The following PPP4R3A variants were observed in gnomAD, a reference collection of about 807,000 sequenced individuals.
PPP4R3A encodes serine/threonine-protein phosphatase 4 regulatory subunit 3A.
A neutral mutation model predicts 91.7 loss-of-function variants in PPP4R3A; 15 were observed. That is an observed-to-expected ratio of 0.16 (90% CI 0.11 to 0.25). PPP4R3A has a LOEUF of 0.25. Ranked by LOEUF, PPP4R3A falls within the 10% of genes least tolerant of loss-of-function variation. The probability of loss-of-function intolerance (pLI) is 1.00; values close to 1 mark genes in which losing one functional copy is unlikely to be tolerated. For missense variants in PPP4R3A, 623 were observed against 998.4 expected (o/e 0.62, Z 5.07); for synonymous variants, 377 against 348.7 (o/e 1.08, Z -0.91).
intron 1 of PPP4R3A, among the ~76,000 whole-genome samples, chr14:91,493,448 G>A (rs567724693): frequency 6.6e-6 from 1 of 150,698 alleles, no homozygotes; most frequent in Admixed American, 6.6e-5. Flanking sequence ...AGCCATGATT[G>A]CGCCACTACA....
chr14:91,462,309 T>A, intron 12 of PPP4R3A, 70 bp from the exon 13 acceptor site: 1 of 1,358,228 alleles, frequency 7.4e-7, no homozygotes, highest in South Asian at 2.0e-5. Flanking sequence ...GATGACTTAT[T>A]AAACTTGTTA....
chr14:91,461,176 T>C (rs1190470763), intron 14 of PPP4R3A, among the ~76,000 whole-genome samples: 2 of 152,072 alleles, frequency 1.3e-5, no homozygotes, highest in Non-Finnish European at 2.9e-5. Flanking sequence ...TCACACTATA[T>C]GCAGACTTGC....
intron 3 of PPP4R3A, 22 bp downstream of exon 3, chr14:91,485,610 A>C: frequency 2.6e-6 from 4 of 1,546,782 alleles, no homozygotes; most frequent in Non-Finnish European, 3.5e-6. Context: ...AAGCATGTTG[A>C]TTTTTTTATT....
chr14:91,485,237 C>G (rs1307963480), intron 3 of PPP4R3A, among the ~76,000 whole-genome samples: 1 of 152,092 alleles, frequency 6.6e-6, no homozygotes, highest in Non-Finnish European at 1.5e-5. Flanking sequence ...GATTTATTAT[C>G]GAGGGACTGA....
chr14:91,468,586 T>C (rs1888623071), intron 10 of PPP4R3A, among the ~76,000 whole-genome samples: 1 of 131,830 alleles, frequency 7.6e-6, no homozygotes, highest in African/African-American at 2.8e-5. Flanking sequence ...GGAGAATTGC[T>C]TGAACCCAGG....
At chr14:91,461,629 A>G (rs1296892053) in intron 13 of PPP4R3A, 22 bp from the exon 14 acceptor site, 6 of 1,605,826 alleles carry the variant, frequency 3.7e-6, no homozygotes, top group Non-Finnish European at 4.3e-6. Flanking sequence ...AATACTGTCA[A>G]TAGTCGTCCC....
At chr14:91,504,715 T>C (rs1891179355) in intron 1 of PPP4R3A, among the ~76,000 whole-genome samples, 1 of 152,160 alleles carries the variant, frequency 6.6e-6, no homozygotes, top group African/African-American at 2.4e-5. Flanking sequence ...AGAAGCTTAG[T>C]GGGACATCCC....
chr14:91,496,568 T>C (rs1296586073), intron 1 of PPP4R3A, among the ~76,000 whole-genome samples: 1 of 152,174 alleles, frequency 6.6e-6, no homozygotes, highest in Non-Finnish European at 1.5e-5. Context: ...GAAAAAAAGG[T>C]TTGACGTACT....
chr14:91,488,871 A>G (rs1890057925), intron 2 of PPP4R3A, among the ~76,000 whole-genome samples: 1 of 150,058 alleles, frequency 6.7e-6, no homozygotes, highest in African/African-American at 2.5e-5. Context: ...GGAAAGATAT[A>G]TACTGTTATG....
rs537322776 is a variant in PPP4R3A, at chr14:91,494,737, A to G, written c.143-3935T>C. On this transcript the variant is annotated intron_variant, in intron 1 of 14. Coordinates refer to ENST00000554943, the MANE Select transcript of PPP4R3A (RefSeq NM_001366432.2). ...AAAAATTAGCTGGGCATCGTTGTGC[A>G]TGTCTTTAAACCCAGCTACTCAGGA... is the stretch of plus-strand genomic sequence containing the variant. 1.2e-3 allele frequency among the ~76,000 whole-genome samples: 183 copies of G among 152,270 alleles called. 1 individual carries two copies. Among genetic ancestry groups the G allele is most frequent in the African/African-American group, 4.3e-3 (178 of 41,554 alleles).
intron 1 of PPP4R3A, among the ~76,000 whole-genome samples, chr14:91,494,819 T>C (rs1039029544): frequency 9.2e-5 from 14 of 152,110 alleles, no homozygotes; most frequent in Non-Finnish European, 1.8e-4. Context: ...TGAGCCAGGA[T>C]TGCACCACTG....
intron 1 of PPP4R3A, among the ~76,000 whole-genome samples, chr14:91,501,871 A>ATTTTTTTTTTTTTTTTT: frequency 1.0e-5 from 1 of 100,238 alleles, no homozygotes; most frequent in Non-Finnish European, 1.9e-5. Context: ...AGCCCGGCTA[A>ATTTTTTTTTTTTTTTTT]TTTTTTTTTT....
chr14:91,462,213 CTG>C lies in PPP4R3A; in HGVS notation c.1998_1999del (p.His666GlnfsTer12). 6.3e-7 allele frequency: 1 copy of C among 1,592,888 alleles called. No individual in the cohort carries two copies. Among genetic ancestry groups the C allele is most frequent in the Non-Finnish European group, 8.5e-7 (1 of 1,173,520 alleles). ...TAGTGTTCTGGCATCTCTTCGATAT[CTG>C]TGATTCCTCAAAATGGAACGCATAC... On this transcript the variant is annotated frameshift_variant, in exon 13 of 15. Coordinates refer to ENST00000554943, the MANE Select transcript of PPP4R3A (RefSeq NM_001366432.2). LOFTEE classifies it high-confidence loss of function.
intron 14 of PPP4R3A, 88 bp from the exon 15 acceptor site, chr14:91,458,957 C>A: frequency 7.1e-7 from 1 of 1,410,220 alleles, no homozygotes; most frequent in Non-Finnish European, 9.5e-7. Flanking sequence ...AAAATAGATC[C>A]TACCAACATA....
intron 10 of PPP4R3A, among the ~76,000 whole-genome samples, chr14:91,468,245 A>C (rs1177865622): frequency 2.0e-5 from 3 of 152,226 alleles, no homozygotes; most frequent in Non-Finnish European, 4.4e-5. Context: ...CATTTACTTA[A>C]AAGATTCTCT....
chr14:91,462,971 C>T (rs1888250673), intron 11 of PPP4R3A, 94 bp from the exon 12 acceptor site: 1 of 979,460 alleles, frequency 1.0e-6, no homozygotes, highest in Non-Finnish European at 1.5e-6. Flanking sequence ...CCAAAAATAG[C>T]TTAATTTAAT....
At chr14:91,467,528 T>C (rs1888546005) in intron 10 of PPP4R3A, among the ~76,000 whole-genome samples, 1 of 152,218 alleles carries the variant, frequency 6.6e-6, no homozygotes, top group Non-Finnish European at 1.5e-5. Flanking sequence ...CTAATGATAA[T>C]TGAATAAATG....
intron 1 of PPP4R3A, among the ~76,000 whole-genome samples, chr14:91,504,507 C>T (rs1032200778): frequency 4.0e-5 from 6 of 151,034 alleles, no homozygotes; most frequent in Admixed American, 6.6e-5. Flanking sequence ...AAGGCTGAGG[C>T]GGGAGAATCG....
chr14:91,474,181 G>C (rs538999122), intron 7 of PPP4R3A, among the ~76,000 whole-genome samples: 2 of 152,174 alleles, frequency 1.3e-5, no homozygotes, highest in Non-Finnish European at 2.9e-5. Flanking sequence ...AAAATTATCT[G>C]AATGTCTGAA....
Sources: gnomAD v4.1 joint callset for allele counts (sites outside exome capture counted in the v4.1 genomes callset) on GRCh38, gnomAD v4.1.1 for gene constraint, MANE v1.5 for transcripts, NCBI Gene and HGNC (gene_info 2026-07-23, HGNC 2026-07-21) for gene names.